Variants in NCKAP5 observed in about 807,000 individuals in gnomAD.
The protein encoded by NCKAP5 is nck-associated protein 5.
A neutral mutation model predicts 167.0 loss-of-function variants in NCKAP5; 92 were observed. That is an observed-to-expected ratio of 0.55 (90% confidence interval 0.47 to 0.66). NCKAP5 has a LOEUF of 0.66. Among genes scored for constraint, NCKAP5 ranks in the 30% least tolerant of loss-of-function variants. The pLI is 0.00. For missense variants in NCKAP5, 2,378 were observed against 2,315.0 expected (o/e 1.03, Z -0.56); for synonymous variants, 891 against 877.4 (o/e 1.02, Z -0.27).
At chr2:132,695,480 T>A (rs1444787139) in intron 19 of NCKAP5, among the ~76,000 whole-genome samples, 2 of 152,150 alleles carry the variant, frequency 1.3e-5, no homozygotes, top group Non-Finnish European at 2.9e-5. Flanking sequence ...TTCCTTTTAT[T>A]CTATGTGTGA....
intron 5 of NCKAP5, among the ~76,000 whole-genome samples, chr2:133,151,508 G>T (rs1402284020): frequency 6.6e-6 from 1 of 152,060 alleles, no homozygotes; most frequent in East Asian, 1.9e-4. Flanking sequence ...CTCACCAAAG[G>T]TACGCAGAGG....
chr2:133,559,593 T>C (rs1054256584), intron 1 of NCKAP5, among the ~76,000 whole-genome samples: 1 of 152,158 alleles, frequency 6.6e-6, no homozygotes, highest in Non-Finnish European at 1.5e-5. Context: ...TCACTGAGAT[T>C]ATAAGCGTGA....
At chr2:133,117,059 T>C (rs1280658264) in intron 6 of NCKAP5, 1 of 152,178 alleles carries the variant, frequency 6.6e-6, no homozygotes, top group African/African-American at 2.4e-5. Flanking sequence ...GATGGGCAAG[T>C]TATTTAACTC....
chr2:133,594,402 G>A, the NCKAP5 span, among the ~76,000 whole-genome samples: 2 of 152,116 alleles, frequency 1.3e-5, no homozygotes, highest in African/African-American at 4.8e-5. Context: ...ATGCCACCAT[G>A]AGGATACACA....
the NCKAP5 span, among the ~76,000 whole-genome samples, chr2:133,578,798 C>T: frequency 1.3e-5 from 2 of 152,218 alleles, no homozygotes; most frequent in Non-Finnish European, 2.9e-5. Context: ...TGCGTCATGA[C>T]CTCAAGAACT....
At chr2:133,283,527 C>T (rs2090000894) in intron 4 of NCKAP5, among the ~76,000 whole-genome samples, 1 of 151,794 alleles carries the variant, frequency 6.6e-6, no homozygotes, top group Non-Finnish European at 1.5e-5. Flanking sequence ...AATTTTATTT[C>T]TGTAATCTTT....
intron 7 of NCKAP5, among the ~76,000 whole-genome samples, chr2:132,990,037 G>A (rs971890152): frequency 2.0e-5 from 3 of 152,144 alleles, no homozygotes; most frequent in African/African-American, 7.2e-5. Flanking sequence ...TATGTGCCCT[G>A]ACAATGAGAC....
chr2:133,017,316 C>T (rs1232784498), intron 6 of NCKAP5, among the ~76,000 whole-genome samples: 1 of 152,132 alleles, frequency 6.6e-6, no homozygotes, highest in Non-Finnish European at 1.5e-5. Flanking sequence ...TTTGGGAAAC[C>T]CTTGGGTATG....
intron 3 of NCKAP5, among the ~76,000 whole-genome samples, chr2:133,420,427 T>C (rs1689400254): frequency 6.6e-6 from 1 of 152,226 alleles, no homozygotes; most frequent in Non-Finnish European, 1.5e-5. Flanking sequence ...AGCCAGATTA[T>C]TGCCAGCTAG....
chr2:133,495,999 A>AT (rs1005238494), intron 3 of NCKAP5, among the ~76,000 whole-genome samples: 1 of 152,148 alleles, frequency 6.6e-6, no homozygotes, highest in Non-Finnish European at 1.5e-5. Flanking sequence ...AAGGTTATAA[A>AT]TTTTTTTAAA....
chr2:133,138,516 A>G (rs1478233150), intron 5 of NCKAP5, among the ~76,000 whole-genome samples: 1 of 152,218 alleles, frequency 6.6e-6, no homozygotes. Flanking sequence ...CACATTTTTC[A>G]TCAGTCTAAG....
At chr2:133,409,524 G>A (rs1405510985) in intron 3 of NCKAP5, among the ~76,000 whole-genome samples, 2 of 152,196 alleles carry the variant, frequency 1.3e-5, no homozygotes, top group Non-Finnish European at 2.9e-5. Flanking sequence ...GGAAACCATG[G>A]TGAATATCTC....
At position 132,721,711 on chromosome 2, in the gene NCKAP5, C is replaced by A. The variant is rs147176129; in HGVS notation, c.5713+3916G>T. ...TAGGGTTATTGGAAGCCAGCACACA[C>A]CCACAGCCATGCCAGCTGTCTGCAT... On this transcript the variant is annotated intron_variant, in intron 19 of 19. Transcript: ENST00000409261. Among the ~76,000 whole-genome samples the A allele has an allele frequency of 6.6e-5, 10 of 152,380 alleles. No individual in the cohort carries two copies. The East Asian group carries it at 1.5e-3, about 24-fold the overall frequency.
At chr2:133,350,078 G>C (rs1260729691) in intron 3 of NCKAP5, among the ~76,000 whole-genome samples, 1 of 152,112 alleles carries the variant, frequency 6.6e-6, no homozygotes, top group African/African-American at 2.4e-5. Flanking sequence ...TAAACTCAGA[G>C]TGATCCTATA....
chr2:133,579,759 C>T, the NCKAP5 span, among the ~76,000 whole-genome samples: 50,133 of 151,998 alleles, frequency 0.33, 9,008 homozygotes, highest in African/African-American at 0.48. Context: ...ATCAATATTT[C>T]GATGACATTC....
At chr2:133,209,059 A>C (rs1045315015) in intron 5 of NCKAP5, among the ~76,000 whole-genome samples, 1 of 113,354 alleles carries the variant, frequency 8.8e-6, no homozygotes, top group African/African-American at 3.5e-5. Context: ...TCCATCTGAA[A>C]TTTGCAAAAA....
At chr2:132,736,624 C>CA (rs5834330) in intron 16 of NCKAP5, among the ~76,000 whole-genome samples, 15,139 of 140,798 alleles carry the variant, frequency 0.11, 872 homozygotes, top group Middle Eastern at 0.15. Context: ...ACTAAAAATA[C>CA]AAAAAAAAAA....
At chr2:133,489,551 A>G (rs187428309) in intron 3 of NCKAP5, among the ~76,000 whole-genome samples, 30 of 152,336 alleles carry the variant, frequency 2.0e-4, no homozygotes, top group Admixed American at 2.0e-3. Flanking sequence ...TTACAGCAAA[A>G]TAGAATCATA....
intron 5 of NCKAP5, among the ~76,000 whole-genome samples, chr2:133,160,716 A>G (rs2083761470): frequency 6.6e-6 from 1 of 151,924 alleles, no homozygotes; most frequent in Non-Finnish European, 1.5e-5. Flanking sequence ...TGCACAATTT[A>G]CTCACCCTTC....
Sources: gnomAD v4.1 joint callset for allele counts (sites outside exome capture counted in the v4.1 genomes callset) on GRCh38, gnomAD v4.1.1 for gene constraint, MANE v1.5 for transcripts, NCBI Gene and HGNC (gene_info 2026-07-23, HGNC 2026-07-21) for gene names.